Variants in ATAD2B observed in about 807,000 individuals in gnomAD.
The protein encoded by ATAD2B is ATPase family AAA domain containing 2B, also known as ATPase family AAA domain-containing protein 2B.
ATAD2B carries 40 observed loss-of-function variants against 167.6 expected under a neutral mutation model. The observed-to-expected ratio is 0.24, with a 90% CI of 0.19 to 0.31. The LOEUF (loss-of-function observed/expected upper bound fraction) is 0.31. Ranked by LOEUF, ATAD2B falls within the 10% of genes least tolerant of loss-of-function variation. The pLI, the probability that ATAD2B is intolerant of heterozygous loss-of-function variation, is 1.00. For missense variants in ATAD2B, 1,242 were observed against 1,757.2 expected (o/e 0.71, Z 5.24); for synonymous variants, 579 against 596.5 (o/e 0.97, Z 0.43).
At chr2:23,921,948 C>A (rs1703994138) in intron 1 of ATAD2B, among the ~76,000 whole-genome samples, 2 of 152,186 alleles carry the variant, frequency 1.3e-5, no homozygotes, top group South Asian at 4.1e-4. Context: ...TCAATTTCGA[C>A]CACTCTGCTT....
At chr2:23,744,910 T>C (rs1447931973), downstream of ATAD2B, among the ~76,000 whole-genome samples, 2 of 152,188 alleles carry the variant, frequency 1.3e-5, no homozygotes, top group Non-Finnish European at 2.9e-5. Context: ...TGACAAATTG[T>C]TAACATTTAA....
At chr2:23,807,820 A>T (rs1197346027) in intron 18 of ATAD2B, among the ~76,000 whole-genome samples, 51 of 65,186 alleles carry the variant, frequency 7.8e-4, no homozygotes, top group Admixed American at 8.5e-4. Context: ...CATCTTAAAA[A>T]AAAAAAAAAT....
At chr2:23,805,782 C>T (rs1235609388) in intron 18 of ATAD2B, among the ~76,000 whole-genome samples, 1 of 89,594 alleles carries the variant, frequency 1.1e-5, no homozygotes, top group Non-Finnish European at 2.1e-5. Flanking sequence ...CTCCAAATGG[C>T]ATTATCAAGC....
chr2:23,721,321 G>A, the ATAD2B span, among the ~76,000 whole-genome samples: 2 of 152,194 alleles, frequency 1.3e-5, no homozygotes, highest in Admixed American at 6.5e-5. Flanking sequence ...TCCACGGATT[G>A]CCCCTGGCAG....
intron 14 of ATAD2B, among the ~76,000 whole-genome samples, chr2:23,829,987 A>AT (rs1688797266): frequency 8.6e-6 from 1 of 116,560 alleles, no homozygotes; most frequent in Non-Finnish European, 1.9e-5. Context: ...TTTCTAAAAT[A>AT]GTTTTTTTTG....
At chr2:23,738,815 C>CAG in the ATAD2B span, among the ~76,000 whole-genome samples, 7 of 152,240 alleles carry the variant, frequency 4.6e-5, 1 homozygote, top group African/African-American at 1.7e-4. Context: ...ATCTCACGTG[C>CAG]AGAGACACAC....
chr2:23,896,687 A>C (rs1489963372), intron 1 of ATAD2B, among the ~76,000 whole-genome samples: 2 of 152,198 alleles, frequency 1.3e-5, no homozygotes, highest in African/African-American at 4.8e-5. Flanking sequence ...GTCAAACCAC[A>C]GACATATTCA....
chr2:23,854,884 A>G (rs764490137), intron 13 of ATAD2B, among the ~76,000 whole-genome samples: 5 of 151,924 alleles, frequency 3.3e-5, no homozygotes, highest in Non-Finnish European at 7.4e-5. Flanking sequence ...AAGCCAGAAC[A>G]CTGGAAAAAA....
At chr2:23,755,036 A>G in intron 25 of ATAD2B, 1 of 250,018 alleles carries the variant, frequency 4.0e-6, no homozygotes, top group Non-Finnish European at 7.7e-6. Context: ...ATCCACTAAA[A>G]GGAAGATAAA....
intron 14 of ATAD2B, chr2:23,832,288 G>A: frequency 2.1e-6 from 1 of 467,012 alleles, no homozygotes. Flanking sequence ...AGGGAAAAAG[G>A]TAAACAGCCA....
chr2:23,894,622 G>T (rs1473393996), intron 2 of ATAD2B, among the ~76,000 whole-genome samples: 1 of 152,028 alleles, frequency 6.6e-6, no homozygotes, highest in African/African-American at 2.4e-5. Flanking sequence ...AAAGAACATT[G>T]TTAGGAATAT....
chr2:23,880,267 A>T (rs1451464630), intron 7 of ATAD2B, among the ~76,000 whole-genome samples: 2 of 152,176 alleles, frequency 1.3e-5, no homozygotes, highest in African/African-American at 4.8e-5. Flanking sequence ...GTGTGCACAG[A>T]AGTATATGTA....
At chr2:23,889,822 G>A (rs1294720256) in intron 2 of ATAD2B, among the ~76,000 whole-genome samples, 6 of 151,832 alleles carry the variant, frequency 4.0e-5, no homozygotes, top group Non-Finnish European at 7.4e-5. Flanking sequence ...GGGAGGCTGA[G>A]GCAGGAGAAT....
At chr2:23,925,259 C>T (rs1227276484) in intron 1 of ATAD2B, among the ~76,000 whole-genome samples, 1 of 152,042 alleles carries the variant, frequency 6.6e-6, no homozygotes, top group African/African-American at 2.4e-5. Context: ...CCAAAATAGT[C>T]TATTAAATAG....
chr2:23,822,984 T>C (rs1687695974), intron 16 of ATAD2B, among the ~76,000 whole-genome samples: 1 of 149,146 alleles, frequency 6.7e-6, no homozygotes, highest in African/African-American at 2.5e-5. Context: ...GGTTAACCTA[T>C]TATTATTATT....
At chr2:23,789,024 C>T (rs1681245550) in intron 19 of ATAD2B, among the ~76,000 whole-genome samples, 1 of 151,972 alleles carries the variant, frequency 6.6e-6, no homozygotes. Flanking sequence ...GTTAACATTG[C>T]CATCTCTTAT....
intron 10 of ATAD2B, among the ~76,000 whole-genome samples, chr2:23,867,609 C>A (rs571452964): frequency 2.0e-5 from 3 of 152,292 alleles, no homozygotes; most frequent in African/African-American, 4.8e-5. Context: ...CCCCTCATAA[C>A]CTTCTCAGCC....
rs373884098 is a variant in ATAD2B at position 23,858,253 on chromosome 2, TG to T, written c.1480-751del. On this transcript the variant is annotated intron_variant, in intron 12 of 27. Coordinates refer to ENST00000238789, the MANE Select transcript of ATAD2B (RefSeq NM_017552.4). ...CTCCTGCCTCAGCCTCCCGAGTAGC[TG>T]GGATTACAGGCATGTGCCACCATAC... Among the ~76,000 whole-genome samples, 1,002 of 152,142 alleles carry T rather than the reference TG, an allele frequency of 6.6e-3. 8 individuals are homozygous for T. Among genetic ancestry groups the T allele is most frequent in the African/African-American group, 0.019 (787 of 41,508 alleles).
chr2:23,773,652 T>C (rs1278907163), intron 22 of ATAD2B, among the ~76,000 whole-genome samples: 6 of 152,222 alleles, frequency 3.9e-5, no homozygotes, highest in Non-Finnish European at 8.8e-5. Context: ...AAACTATATA[T>C]TTATGAGTTT....
Sources: allele counts gnomAD v4.1 joint callset (sites outside exome capture counted in the v4.1 genomes callset), GRCh38; gene constraint gnomAD v4.1.1; transcripts MANE v1.5; gene names NCBI Gene and HGNC (gene_info 2026-07-23, HGNC 2026-07-21).